The following BCAS3 variants were observed in gnomAD, a reference collection of about 807,000 sequenced individuals.
The protein encoded by BCAS3 is BCAS4/BCAS3 fusion.
BCAS3 carries 53 observed loss-of-function variants against 116.1 expected under a neutral mutation model. That is an observed-to-expected ratio of 0.46 (90% CI 0.37 to 0.57). BCAS3 has a LOEUF of 0.57. Among genes scored for constraint, BCAS3 ranks in the 20% least tolerant of loss-of-function variants. BCAS3 has a pLI of 0.00. For missense variants in BCAS3, 917 were observed against 1,165.4 expected (o/e 0.79, Z 3.10); for synonymous variants, 391 against 408.2 (o/e 0.96, Z 0.51).
At position 60,802,371 on chromosome 17, in the gene BCAS3, C is replaced by T. The variant is rs771324155; in HGVS notation, c.404-5633C>T. Among the ~76,000 whole-genome samples the T allele has an allele frequency of 4.4e-3, 489 of 111,916 alleles. 1 individual carries two copies. The highest frequency in any genetic ancestry group is 9.7e-3 in the African/African-American group (258 of 26,606). The allele number at this position is 111,916 out of a possible 152,430, so 73.4% of individuals were successfully genotyped here. The stretch of plus-strand genomic sequence containing the variant: ...ATACACACACATACATACATACATA[C>T]ATATATATATATATATATCCCCTTG... On this transcript the variant is annotated intron_variant, in intron 6 of 23. Transcript: ENST00000407086.
intron 19 of BCAS3, among the ~76,000 whole-genome samples, chr17:61,045,953 AAATATATATAT>A (rs1488719336): frequency 3.1e-4 from 4 of 12,748 alleles, no homozygotes; most frequent in Non-Finnish European, 4.0e-4. Flanking sequence ...TTATATATAT[AAATATATATAT>A]AATATATATA....
rs527385887 is a variant in BCAS3 at position 60,964,230 on chromosome 17, G to A, written c.1221+16878G>A. On this transcript the variant is annotated intron_variant, in intron 14 of 23. Coordinates refer to ENST00000407086, the MANE Select transcript of BCAS3 (RefSeq NM_017679.5). The surrounding 1 kb of genome is among the most constrained non-coding windows in gnomAD (Gnocchi z 4.6). ...TTGTTTCTATACCCATTTTGATTAGGGGTTTTTTTATATCATAAAGGATGT... is the reference window on the plus strand; with the variant it reads ...TTGTTTCTATACCCATTTTGATTAGAGGTTTTTTTATATCATAAAGGATGT... 1.4e-4 allele frequency among the ~76,000 whole-genome samples: 21 copies of A among 151,946 alleles called. No individual in the cohort carries two copies. Among genetic ancestry groups the A allele is most frequent in the Non-Finnish European group, 2.6e-4 (18 of 67,974 alleles).
chr17:61,033,718 T>A (rs1394357732), intron 16 of BCAS3, among the ~76,000 whole-genome samples: 3 of 152,224 alleles, frequency 2.0e-5, no homozygotes, highest in East Asian at 3.8e-4. Flanking sequence ...ATGAGGCTAC[T>A]GGTTTATGAA....
At chr17:61,046,257 A>C (rs2143138007) in intron 19 of BCAS3, among the ~76,000 whole-genome samples, 1 of 144,092 alleles carries the variant, frequency 6.9e-6, no homozygotes, top group East Asian at 2.0e-4. Flanking sequence ...ATTTGTAAGG[A>C]TATTATACCT....
chr17:60,762,203 A>G (rs1398397576), intron 6 of BCAS3, among the ~76,000 whole-genome samples: 1 of 152,120 alleles, frequency 6.6e-6, no homozygotes, highest in Non-Finnish European at 1.5e-5. Flanking sequence ...CTTTAGTTTA[A>G]TTAGGTCCCA....
chr17:60,805,053 G>A (rs149550680), intron 6 of BCAS3, among the ~76,000 whole-genome samples: 8 of 150,482 alleles, frequency 5.3e-5, no homozygotes, highest in African/African-American at 2.0e-4. Flanking sequence ...GCATGCTTAA[G>A]TAAATACACA....
chr17:61,133,467 A>T (rs117752486), intron 22 of BCAS3, among the ~76,000 whole-genome samples: 1 of 152,292 alleles, frequency 6.6e-6, no homozygotes, highest in East Asian at 1.9e-4. Flanking sequence ...AGGCTGCTGG[A>T]CTAATTGCCA....
intron 22 of BCAS3, among the ~76,000 whole-genome samples, chr17:61,174,518 T>TTAATGCACA (rs2079029772): frequency 6.6e-6 from 1 of 152,226 alleles, no homozygotes; most frequent in Non-Finnish European, 1.5e-5. Context: ...GGCTGAATAG[T>TTAATGCACA]ATTCCATTGT....
chr17:60,821,816 T>A (rs2144684606), intron 7 of BCAS3: 1 of 152,212 alleles, frequency 6.6e-6, no homozygotes, highest in African/African-American at 2.4e-5. Flanking sequence ...GCTGGGACTA[T>A]AGGTGAGCCC....
At chr17:61,002,601 G>C (rs1196522979) in intron 15 of BCAS3, 2 of 151,978 alleles carry the variant, frequency 1.3e-5, no homozygotes, top group East Asian at 3.9e-4. Flanking sequence ...CGTCTTCTTA[G>C]AGAATTCAAC....
chr17:61,245,716 A>G (rs2047885945), intron 22 of BCAS3, among the ~76,000 whole-genome samples: 1 of 152,200 alleles, frequency 6.6e-6, no homozygotes, highest in Non-Finnish European at 1.5e-5. Context: ...ACATAACAAG[A>G]TGAGCTATTG....
chr17:60,938,757 G>GATAA (rs1364134124), intron 13 of BCAS3, among the ~76,000 whole-genome samples: 5 of 150,896 alleles, frequency 3.3e-5, no homozygotes, highest in South Asian at 2.1e-4. Flanking sequence ...TAGATAGATA[G>GATAA]ATATTGAAAA....
At chr17:61,237,284 A>G (rs2083136254) in intron 22 of BCAS3, among the ~76,000 whole-genome samples, 1 of 152,204 alleles carries the variant, frequency 6.6e-6, no homozygotes, top group Non-Finnish European at 1.5e-5. Flanking sequence ...TCTGTAAAGC[A>G]CACCAATCAG....
intron 19 of BCAS3, among the ~76,000 whole-genome samples, chr17:61,070,901 C>G (rs892151203): frequency 1.3e-5 from 2 of 152,144 alleles, no homozygotes; most frequent in Non-Finnish European, 2.9e-5. Flanking sequence ...CAGAAGCCAC[C>G]TAAGGTCATT....
Position 61,037,763 on chromosome 17 carries a change from T to A in BCAS3, c.1763-126T>A. On this transcript the variant is annotated intron_variant, in intron 17 of 23. Coordinates refer to ENST00000407086, the MANE Select transcript of BCAS3 (RefSeq NM_017679.5). The surrounding 1 kb of genome is among the most constrained non-coding windows in gnomAD (Gnocchi z 4.7). The stretch of plus-strand genomic sequence containing the variant: ...CAAAAAAAAGAAAAAAAGAAAAAAA[T>A]TCCTGTCTTTTCATTTTCTCTGAGC... 1 of 917,660 alleles carries A rather than the reference T, an allele frequency of 1.1e-6. No homozygotes were observed. Among genetic ancestry groups the A allele is most frequent in the South Asian group, 2.6e-5 (1 of 38,350 alleles). The allele number at this position is 917,660 out of a possible 1,614,324, so 56.8% of individuals were successfully genotyped here.
rs2052074 is a variant in BCAS3 at position 61,084,285 on chromosome 17, A to G, written c.2328-182A>G. Among the ~76,000 whole-genome samples the G allele has an allele frequency of 0.36, 54,494 of 152,086 alleles. 16,118 individuals carry two copies. The highest frequency in any genetic ancestry group is 0.82 in the African/African-American group (34,027 of 41,448). ...AGAAGGGGTCCAGAGTGTAGAGAAT[A>G]TTTGTAGTGTTTTATCCTTGTGCAG... On this transcript the variant is annotated intron_variant, in intron 21 of 23. Transcript: ENST00000407086. This position sits in a 1 kb window ranked among gnomAD's most constrained non-coding sequence, Gnocchi z 5.5.
intron 22 of BCAS3, among the ~76,000 whole-genome samples, chr17:61,342,934 T>C (rs1400672744): frequency 6.6e-6 from 1 of 152,044 alleles, no homozygotes; most frequent in Non-Finnish European, 1.5e-5. Flanking sequence ...GTATCTTTAG[T>C]AGAGACAGAG....
In BCAS3 at chr17:61,273,202, G is replaced by A. The variant is rs562195378; in HGVS notation, c.2426-95125G>A. Among the ~76,000 whole-genome samples the A allele has an allele frequency of 1.5e-4, 23 of 151,048 alleles. 1 individual carries two copies. The South Asian group carries it at 3.8e-3, about 25-fold the overall frequency. On this transcript the variant is annotated intron_variant, in intron 22 of 23. Coordinates refer to ENST00000407086, the MANE Select transcript of BCAS3 (RefSeq NM_017679.5). ...GGCTCACTGGCAGCCTCAACCTCCCGAGCTCAAGCGATCCTCCCACCTCAG... is the reference window on the plus strand; with the variant it reads ...GGCTCACTGGCAGCCTCAACCTCCCAAGCTCAAGCGATCCTCCCACCTCAG...
intron 22 of BCAS3, among the ~76,000 whole-genome samples, chr17:61,329,460 C>T (rs1427979123): frequency 1.3e-5 from 2 of 151,834 alleles, no homozygotes; most frequent in South Asian, 4.1e-4. Context: ...CCTGCCTCAG[C>T]CCCCCAAGTA....
Sources: gnomAD v4.1 joint callset for allele counts (sites outside exome capture counted in the v4.1 genomes callset) on GRCh38, gnomAD v4.1.1 for gene constraint, Gnocchi (gnomAD v3.1) non-coding constraint, MANE v1.5 for transcripts, NCBI Gene and HGNC (gene_info 2026-07-23, HGNC 2026-07-21) for gene names.